CLVS1: variants seen among roughly 807,000 people sequenced by gnomAD.
CLVS1 encodes clavesin 1.
Under a neutral mutation model 33.1 loss-of-function variants are expected in CLVS1, and 10 were observed. That is an observed-to-expected ratio of 0.30 (90% CI 0.19 to 0.51). CLVS1 has a LOEUF of 0.51. CLVS1 is among the 20% of genes least tolerant of loss of function. The pLI is 0.97. For missense variants in CLVS1, 343 were observed against 433.4 expected (o/e 0.79, Z 1.85); for synonymous variants, 163 against 166.1 (o/e 0.98, Z 0.14).
intron 2 of CLVS1, chr8:61,301,111 C>T (rs1470229082): frequency 6.6e-6 from 1 of 152,218 alleles, no homozygotes; most frequent in Non-Finnish European, 1.5e-5. Flanking sequence ...TTCCAAAATT[C>T]TGTTACATCA....
chr8:61,160,116 C>G (rs1430330197), intron 2 of CLVS1, among the ~76,000 whole-genome samples: 1 of 152,152 alleles, frequency 6.6e-6, no homozygotes, highest in East Asian at 1.9e-4. Flanking sequence ...GCTGAAGAAA[C>G]AGAGGACAGA....
chr8:61,274,720 A>G (rs760921219), intron 2 of CLVS1, among the ~76,000 whole-genome samples: 3 of 152,202 alleles, frequency 2.0e-5, no homozygotes, highest in Non-Finnish European at 2.9e-5. Flanking sequence ...TTTAAATTTG[A>G]GTAGCTTAAA....
At chr8:61,057,737 A>G (rs756027247) in intron 1 of CLVS1, among the ~76,000 whole-genome samples, 8 of 152,210 alleles carry the variant, frequency 5.3e-5, no homozygotes, top group Non-Finnish European at 7.3e-5. Context: ...TCGTAATCCT[A>G]AAGATCAACA....
At chr8:61,214,172 C>G (rs960161121) in intron 2 of CLVS1, among the ~76,000 whole-genome samples, 1 of 152,190 alleles carries the variant, frequency 6.6e-6, no homozygotes, top group Non-Finnish European at 1.5e-5. Flanking sequence ...ACTTCATTAG[C>G]AATTTTAATT....
chr8:61,121,583 A>G (rs964251371), intron 1 of CLVS1, among the ~76,000 whole-genome samples: 6 of 152,228 alleles, frequency 3.9e-5, no homozygotes, highest in Admixed American at 6.5e-5. Context: ...TAAAATTATC[A>G]TACAGAATTT....
chr8:61,219,708 C>G (rs1200468528), intron 2 of CLVS1, among the ~76,000 whole-genome samples: 2 of 152,150 alleles, frequency 1.3e-5, no homozygotes, highest in Non-Finnish European at 2.9e-5. Context: ...GTTCTAGATC[C>G]TTGAGGAATT....
chr8:61,170,940 C>A (rs948833958), intron 2 of CLVS1, among the ~76,000 whole-genome samples: 5 of 152,166 alleles, frequency 3.3e-5, no homozygotes, highest in African/African-American at 1.2e-4. Context: ...AAATGGTTAA[C>A]ATCTTCCTTA....
At chr8:61,354,793 A>G (rs575364143) in intron 2 of CLVS1, among the ~76,000 whole-genome samples, 1 of 152,300 alleles carries the variant, frequency 6.6e-6, no homozygotes, top group South Asian at 2.1e-4. Context: ...AATGAAGAAC[A>G]GATCAGTGAT....
chr8:61,082,114 C>CT (rs1395903818), intron 1 of CLVS1, among the ~76,000 whole-genome samples: 1 of 149,412 alleles, frequency 6.7e-6, no homozygotes, highest in Non-Finnish European at 1.5e-5. Context: ...GATGGAAACT[C>CT]TAAGAATCAA....
intron 3 of CLVS1, among the ~76,000 whole-genome samples, chr8:61,393,836 A>T (rs1299094118): frequency 1.3e-5 from 2 of 152,046 alleles, no homozygotes; most frequent in African/African-American, 2.4e-5. Flanking sequence ...ACTCTGTGGG[A>T]GTCCTTGGTT....
At chr8:61,029,527 C>T in the CLVS1 span, among the ~76,000 whole-genome samples, 420 of 152,174 alleles carry the variant, frequency 2.8e-3, 2 homozygotes, top group African/African-American at 5.8e-3. Flanking sequence ...AACCTCGAGA[C>T]GAATGGGACC....
At chr8:61,025,004 C>T in the CLVS1 span, among the ~76,000 whole-genome samples, 40 of 152,124 alleles carry the variant, frequency 2.6e-4, no homozygotes, top group African/African-American at 4.6e-4. Flanking sequence ...TGTGCCACCA[C>T]GCCCGGCTAA....
intron 3 of CLVS1, among the ~76,000 whole-genome samples, chr8:61,381,475 G>A (rs1346786611): frequency 1.3e-5 from 2 of 152,104 alleles, no homozygotes; most frequent in Non-Finnish European, 2.9e-5. Flanking sequence ...TACATGTGCA[G>A]TTCTGTTACG....
chr8:61,043,956 AG>A, the CLVS1 span, among the ~76,000 whole-genome samples: 4 of 152,218 alleles, frequency 2.6e-5, no homozygotes, highest in Admixed American at 6.5e-5. Context: ...AATACTTTGC[AG>A]CCACTTCTAC....
chr8:61,249,866 G>T (rs1214665959), intron 2 of CLVS1, among the ~76,000 whole-genome samples: 3 of 152,228 alleles, frequency 2.0e-5, no homozygotes, highest in Non-Finnish European at 2.9e-5. Flanking sequence ...TCTGTAGGTT[G>T]CCTGTTCACT....
At chr8:61,482,381 A>G (rs944263476) in intron 5 of CLVS1, among the ~76,000 whole-genome samples, 1 of 152,268 alleles carries the variant, frequency 6.6e-6, no homozygotes, top group African/African-American at 2.4e-5. Context: ...AGAAGGCTTC[A>G]GATAATCCAT....
intron 2 of CLVS1, among the ~76,000 whole-genome samples, chr8:61,263,991 A>G (rs766906804): frequency 6.6e-6 from 1 of 152,192 alleles, no homozygotes; most frequent in Non-Finnish European, 1.5e-5. Context: ...TTCTGTTTAC[A>G]AAGAGAGAGA....
intron 2 of CLVS1, among the ~76,000 whole-genome samples, chr8:61,305,780 C>T (rs1363445718): frequency 6.6e-6 from 1 of 152,162 alleles, no homozygotes; most frequent in Non-Finnish European, 1.5e-5. Context: ...CAACATTTAG[C>T]TCTCACTTAT....
chr8:61,217,013 G>A (rs902906991), intron 2 of CLVS1, among the ~76,000 whole-genome samples: 1 of 151,960 alleles, frequency 6.6e-6, no homozygotes, highest in Non-Finnish European at 1.5e-5. Context: ...CACTCATCTA[G>A]GTCTAAATTT....
Sources: gnomAD v4.1 joint callset for allele counts (sites outside exome capture counted in the v4.1 genomes callset) on GRCh38, gnomAD v4.1.1 for gene constraint, MANE v1.5 for transcripts, NCBI Gene and HGNC (gene_info 2026-07-23, HGNC 2026-07-21) for gene names.